FSTL5: variants seen among roughly 807,000 people sequenced by gnomAD.
FSTL5 encodes the protein follistatin like 5.
FSTL5 carries 62 observed loss-of-function variants against 89.1 expected under a neutral mutation model. That is an observed-to-expected ratio of 0.70 (90% CI 0.57 to 0.86). FSTL5 has a LOEUF of 0.86. Ranked by LOEUF, FSTL5 falls within the 40% of genes least tolerant of loss-of-function variation. The pLI is 0.00. For synonymous variants in FSTL5, 383 were observed against 346.2 expected (o/e 1.11, Z -1.18); for missense variants, 1,057 against 1,001.6 (o/e 1.06, Z -0.75).
chr4:161,899,733 G>C (rs541518474), intron 4 of FSTL5, among the ~76,000 whole-genome samples: 25 of 152,268 alleles, frequency 1.6e-4, no homozygotes, highest in Admixed American at 5.9e-4. Context: ...TGACAAGTAA[G>C]TAAACCAAAG....
intron 7 of FSTL5, among the ~76,000 whole-genome samples, chr4:161,634,344 CTAA>C (rs1252307129): frequency 2.0e-5 from 3 of 152,176 alleles, no homozygotes; most frequent in African/African-American, 4.8e-5. Flanking sequence ...TCTATTTGCT[CTAA>C]CCTAAGCTAT....
intron 2 of FSTL5, among the ~76,000 whole-genome samples, chr4:162,094,537 A>G (rs1452847504): frequency 6.6e-6 from 1 of 152,190 alleles, no homozygotes; most frequent in Non-Finnish European, 1.5e-5. Flanking sequence ...GCAGAGTAAT[A>G]AATACAATAG....
intron 6 of FSTL5, among the ~76,000 whole-genome samples, chr4:161,674,397 C>G (rs1737227163): frequency 6.6e-6 from 1 of 152,104 alleles, no homozygotes; most frequent in Non-Finnish European, 1.5e-5. Context: ...GGAAAAATGT[C>G]TTGTGGAGAA....
intron 10 of FSTL5, among the ~76,000 whole-genome samples, chr4:161,514,722 T>C (rs1427613830): frequency 1.3e-5 from 2 of 152,058 alleles, no homozygotes; most frequent in Non-Finnish European, 2.9e-5. Flanking sequence ...AAGAAACAAA[T>C]ATAAATTGTA....
intron 10 of FSTL5, among the ~76,000 whole-genome samples, chr4:161,522,139 C>T (rs1731058530): frequency 6.6e-6 from 1 of 152,092 alleles, no homozygotes; most frequent in Non-Finnish European, 1.5e-5. Flanking sequence ...GTTCTTCCTT[C>T]CATTGTCAAC....
intron 8 of FSTL5, among the ~76,000 whole-genome samples, chr4:161,558,891 T>TATCTCAAGATAAAA (rs1732487859): frequency 6.6e-6 from 1 of 151,894 alleles, no homozygotes. Context: ...ACATATTTAT[T>TATCTCAAGATAAAA]ATCAATTTGA....
chr4:161,656,297 T>C, intron 7 of FSTL5, 31 bp downstream of exon 7: 2 of 1,231,016 alleles, frequency 1.6e-6, no homozygotes, highest in East Asian at 2.5e-5. Context: ...GAAATATATA[T>C]ATTATAAAGC....
chr4:161,929,262 G>A (rs1164196706), intron 3 of FSTL5, among the ~76,000 whole-genome samples: 6 of 147,768 alleles, frequency 4.1e-5, no homozygotes, highest in Admixed American at 1.4e-4. Context: ...TTTTGTCAGA[G>A]ATCAGTTAAC....
chr4:162,111,329 G>C lies in FSTL5; in HGVS notation c.68C>G (p.Thr23Ser), dbSNP rs1420703863. ...TTTAAGGCCATATCCTCCTTCTTTGGTTGGCCTTCCTTCCGACTCCAGAAA... is the reference window on the plus strand; with the variant it reads ...TTTAAGGCCATATCCTCCTTCTTTGCTTGGCCTTCCTTCCGACTCCAGAAA... Reference protein sequence around the residue: ...FIFLESEGRPTKEGGYGLKSY... With the variant: ...FIFLESEGRPSKEGGYGLKSY... Residue 23 changes from threonine (T) to serine (S), a missense_variant, in exon 2 of 16, where the codon ACC (threonine) becomes AGC (serine). Transcript: ENST00000306100. The C allele has an allele frequency of 6.2e-7, 1 of 1,611,586 alleles. No individual in the cohort carries two copies. Among genetic ancestry groups the C allele is most frequent in the Non-Finnish European group, 8.5e-7 (1 of 1,178,204 alleles).
chr4:161,656,432 G>C lies in FSTL5; in HGVS notation c.790C>G (p.Gln264Glu). 2.5e-6 allele frequency: 4 copies of C among 1,609,948 alleles called. No individual in the cohort carries two copies. Among genetic ancestry groups the C allele is most frequent in the Non-Finnish European group, 2.5e-6 (3 of 1,177,800 alleles). ...KLSITAATVGQSAVLSCAIQG... is the reference protein window; with the variant it reads ...KLSITAATVGESAVLSCAIQG... ...ATGGCACAGCTCAGAACAGCACTTTGTCCCACAGTTGCTGCAGTGATGCTT... is the reference window on the plus strand; with the variant it reads ...ATGGCACAGCTCAGAACAGCACTTTCTCCCACAGTTGCTGCAGTGATGCTT... Residue 264 changes from glutamine (Q) to glutamate (E), a missense_variant, in exon 7 of 16, where the codon CAA (glutamine) becomes GAA (glutamate). Coordinates refer to ENST00000306100, the MANE Select transcript of FSTL5 (RefSeq NM_020116.5).
chr4:161,847,667 T>A (rs1731411538), intron 4 of FSTL5, among the ~76,000 whole-genome samples: 1 of 152,142 alleles, frequency 6.6e-6, no homozygotes, highest in Non-Finnish European at 1.5e-5. Context: ...AACTTCCAAG[T>A]TTACTTCAGC....
chr4:162,095,821 T>C (rs2111369227), intron 2 of FSTL5, among the ~76,000 whole-genome samples: 1 of 152,116 alleles, frequency 6.6e-6, no homozygotes, highest in South Asian at 2.1e-4. Flanking sequence ...GATAGAAATA[T>C]GCTTGCGGTA....
intron 3 of FSTL5, among the ~76,000 whole-genome samples, chr4:161,951,198 A>G (rs1578886944): frequency 1.3e-5 from 2 of 152,154 alleles, no homozygotes; most frequent in African/African-American, 4.8e-5. Flanking sequence ...AGGCCTCCCC[A>G]GCCATGTGGA....
intron 2 of FSTL5, among the ~76,000 whole-genome samples, chr4:162,069,551 G>A (rs187472479): frequency 3.3e-5 from 5 of 151,854 alleles, no homozygotes; most frequent in African/African-American, 9.6e-5. Context: ...CCCTTCCCCT[G>A]ACCGTTTCCA....
intron 4 of FSTL5, among the ~76,000 whole-genome samples, chr4:161,918,627 C>T (rs1165485066): frequency 6.6e-6 from 1 of 151,784 alleles, no homozygotes; most frequent in Non-Finnish European, 1.5e-5. Flanking sequence ...ACTATTTTCC[C>T]ACGATATTTA....
At chr4:161,563,440 A>G (rs868066389) in intron 8 of FSTL5, among the ~76,000 whole-genome samples, 12 of 152,080 alleles carry the variant, frequency 7.9e-5, no homozygotes, top group African/African-American at 2.9e-4. Flanking sequence ...CAAATTCTCC[A>G]CATTCTGACC....
At chr4:161,569,676 TAA>T (rs1390207603) in intron 8 of FSTL5, among the ~76,000 whole-genome samples, 1 of 151,884 alleles carries the variant, frequency 6.6e-6, no homozygotes, top group Non-Finnish European at 1.5e-5. Context: ...TTATGCTGGA[TAA>T]AGTTTATTTA....
At chr4:162,018,703 C>T (rs939729915) in intron 3 of FSTL5, among the ~76,000 whole-genome samples, 4 of 151,720 alleles carry the variant, frequency 2.6e-5, no homozygotes, top group African/African-American at 9.7e-5. Flanking sequence ...TTCTCAAGTT[C>T]CAGAAAACTT....
At chr4:162,124,539 T>C (rs1473619487) in intron 1 of FSTL5, among the ~76,000 whole-genome samples, 1 of 152,178 alleles carries the variant, frequency 6.6e-6, no homozygotes, top group Non-Finnish European at 1.5e-5. Context: ...GCATAATGGC[T>C]TCTTCTGGGC....
Sources: allele counts gnomAD v4.1 joint callset (sites outside exome capture counted in the v4.1 genomes callset), GRCh38; gene constraint gnomAD v4.1.1; transcripts MANE v1.5; gene names NCBI Gene and HGNC (gene_info 2026-07-23, HGNC 2026-07-21).